Variants in HLA-DQB2 observed in about 807,000 individuals in gnomAD.
The protein encoded by HLA-DQB2 is HLA class II histocompatibility antigen, DQ beta 2 chain.
In HLA-DQB2, 24 loss-of-function variants were observed where a neutral mutation model predicts 29.2. That is an observed-to-expected ratio of 0.82 (90% confidence interval 0.60 to 1.16). The LOEUF (loss-of-function observed/expected upper bound fraction) is 1.16, where lower values mean the gene tolerates loss of function less well. HLA-DQB2 is among the 50% of genes most tolerant of loss of function. The pLI is 0.00. For synonymous variants in HLA-DQB2, 104 were observed against 133.1 expected, an observed-to-expected ratio of 0.78 and a Z score of 1.51; for missense variants, 273 against 343.6, an observed-to-expected ratio of 0.79 and a Z score of 1.62.
In HLA-DQB2 at chr6:32,763,514, A is replaced by G. The variant is rs1765037158; in HGVS notation, c.-44T>C. 8.0e-7 allele frequency: 1 copy of G among 1,256,444 alleles called. No homozygotes were observed. Among genetic ancestry groups the G allele is most frequent in the Non-Finnish European group, 1.1e-6 (1 of 877,190 alleles). The allele number at this position is 1,256,444 out of a possible 1,614,324, so 77.8% of individuals were successfully genotyped here. ...GACCAAGGAAAAAGCAGTGGTAGTC[A>G]ACACAGCTCAAACCTAATGGATCTT... On this transcript the variant is annotated 5_prime_UTR_variant, in exon 1 of 6. Coordinates refer to ENST00000437316, the MANE Select transcript of HLA-DQB2 (RefSeq NM_001300790.2).
At chr6:32,762,128 C>A (rs1401275714) in intron 1 of HLA-DQB2, among the ~76,000 whole-genome samples, 3 of 152,238 alleles carry the variant, frequency 2.0e-5, no homozygotes, top group African/African-American at 7.2e-5. Context: ...CCCTGCCCGC[C>A]CTCTCTGAGG....
intron 1 of HLA-DQB2, among the ~76,000 whole-genome samples, 161 bp from the exon 2 acceptor site, chr6:32,762,087 A>C (rs556537382): frequency 6.6e-6 from 1 of 152,030 alleles, no homozygotes; most frequent in African/African-American, 2.4e-5. Flanking sequence ...CGTGCTCCGG[A>C]CCTGGGATCC....
At chr6:32,761,273 T>A (rs969593975) in intron 2 of HLA-DQB2, among the ~76,000 whole-genome samples, 1 of 105,968 alleles carries the variant, frequency 9.4e-6, no homozygotes, top group Non-Finnish European at 2.0e-5. Flanking sequence ...GCAGTGCTAG[T>A]GGGGCGGACG....
At chr6:32,759,844 T>C (rs1192178728) in intron 2 of HLA-DQB2, among the ~76,000 whole-genome samples, 8,066 of 118,416 alleles carry the variant, frequency 0.068, no homozygotes, top group Middle Eastern at 0.1. Context: ...AATGCAAACA[T>C]ATACATATAG....
chr6:32,761,433 T>TGGCC (rs1554211993), intron 2 of HLA-DQB2, among the ~76,000 whole-genome samples: 1 of 151,478 alleles, frequency 6.6e-6, no homozygotes. Context: ...CTGGGCAGCC[T>TGGCC]AACCCAACCC....
Position 32,763,406 on chromosome 6 carries a change from C to CTCAGCA in HLA-DQB2, c.59_64dup (p.Met20_Leu21dup). 6.4e-7 allele frequency: 1 copy of CTCAGCA among 1,565,350 alleles called. No homozygotes were observed. The highest frequency in any genetic ancestry group is 8.7e-7 in the Non-Finnish European group (1 of 1,154,322). On this transcript the variant is annotated inframe_insertion, in exon 1 of 6. Transcript: ENST00000437316. ...GTCTCTGGCCTCAGCCACTGGGGTG[C>CTCAGCA]TCAGCATCACCAGCATCACGGTCAC...
intron 2 of HLA-DQB2, among the ~76,000 whole-genome samples, chr6:32,759,924 A>G (rs1298961744): frequency 6.6e-6 from 1 of 152,192 alleles, no homozygotes; most frequent in Non-Finnish European, 1.5e-5. Context: ...TCTGGAAGGA[A>G]TCTTGGTTTC....
chr6:32,762,788 C>T lies in HLA-DQB2; in HGVS notation c.97+586G>A, dbSNP rs112639529. Among the ~76,000 whole-genome samples the T allele has an allele frequency of 3.0e-3, 451 of 152,132 alleles. 2 individuals carry two copies. The highest frequency in any genetic ancestry group is 0.01 in the African/African-American group (428 of 41,520). On this transcript the variant is annotated intron_variant, in intron 1 of 5. Coordinates refer to ENST00000437316, the MANE Select transcript of HLA-DQB2 (RefSeq NM_001300790.2). ...TATTTCCCTTCTTTACTTCCTCCTT[C>T]CTATCATACTAAATTCAGTCCACCA... is the stretch of plus-strand genomic sequence containing the variant.
At chr6:32,760,623 G>C (rs778614797) in intron 2 of HLA-DQB2, among the ~76,000 whole-genome samples, 1 of 152,222 alleles carries the variant, frequency 6.6e-6, no homozygotes, top group Non-Finnish European at 1.5e-5. Flanking sequence ...GTGATGGGGG[G>C]AGGGAGAAAA....
intron 4 of HLA-DQB2, among the ~76,000 whole-genome samples, 171 bp downstream of exon 4, chr6:32,757,602 C>T (rs1340876139): frequency 1.3e-5 from 2 of 152,024 alleles, no homozygotes; most frequent in Non-Finnish European, 2.9e-5. Context: ...TCTGGCAGCG[C>T]TACCATTCAC....
intron 2 of HLA-DQB2, among the ~76,000 whole-genome samples, chr6:32,759,864 G>T (rs1459143712): frequency 2.6e-5 from 4 of 152,242 alleles, no homozygotes; most frequent in African/African-American, 9.6e-5. Flanking sequence ...GCTGGGATTT[G>T]CTGAGGTCAG....
rs529206424 is a variant in HLA-DQB2 at position 32,761,849 on chromosome 6, T to A, written c.175A>T (p.Ile59Phe). ...CGCCCGTACTCCTCGCGGTTATAGA[T>A]GTATCTGGCCACACCGCGCACGCGC... ...TERVRGVARY[I>F]YNREEYGRFD... The change falls in exon 2 of 6, where the codon ATC becomes TTC. Residue 59 changes from isoleucine to phenylalanine, a missense_variant. Transcript: ENST00000437316. The A allele has an allele frequency of 1.8e-4, 298 of 1,610,834 alleles. 1 individual carries two copies. Among genetic ancestry groups the A allele is most frequent in the Middle Eastern group, 1.3e-3 (8 of 6,058 alleles).
intron 4 of HLA-DQB2, 21 bp from the exon 5 acceptor site, chr6:32,757,325 G>A (rs1012824079): frequency 6.6e-7 from 1 of 1,517,126 alleles, no homozygotes; most frequent in African/African-American, 1.4e-5. Flanking sequence ...AAGTTATACA[G>A]AGAAAGGTCT....
At chr6:32,762,006 G>A (rs943226465) in intron 1 of HLA-DQB2, 80 bp from the exon 2 acceptor site, 75 of 1,532,484 alleles carry the variant, frequency 4.9e-5, no homozygotes, top group Non-Finnish European at 6.4e-5. Context: ...CCCTTCAGCC[G>A]CTGCCCTGAC....
intron 2 of HLA-DQB2, 59 bp from the exon 3 acceptor site, chr6:32,759,190 G>A (rs1764554109): frequency 1.4e-5 from 21 of 1,538,176 alleles, no homozygotes; most frequent in South Asian, 4.9e-5. Context: ...CACACAGCAC[G>A]CCTGCTGTGA....
At chr6:32,761,595 C>A in intron 2 of HLA-DQB2, 65 bp downstream of exon 2, 1 of 1,425,994 alleles carries the variant, frequency 7.0e-7, no homozygotes, top group Non-Finnish European at 9.1e-7. Flanking sequence ...GTCCTCGCCC[C>A]TCTGTGCGCA....
rs1190911897 is a variant in HLA-DQB2, at chr6:32,761,850, G to A, written c.174C>T (p.Tyr58=). 1.2e-6 allele frequency: 2 copies of A among 1,610,886 alleles called. No individual in the cohort carries two copies. Among genetic ancestry groups the A allele is most frequent in the East Asian group, 2.2e-5 (1 of 44,712 alleles). ...GCCCGTACTCCTCGCGGTTATAGAT[G>A]TATCTGGCCACACCGCGCACGCGCT... ...GTERVRGVAR[Y]IYNREEYGRF... Residue 58 remains tyrosine (Y), a synonymous_variant, in exon 2 of 6, where the codon TAC becomes TAT. Transcript: ENST00000437316.
rs1237699201 is a variant in HLA-DQB2, at chr6:32,756,343, GA to G, written c.*109del. ...CCTGTGGCTGCATGAGCCACTGTAGGACTCTGACCTCAGTGGGACAGGGTGA... is the reference window on the plus strand; with the variant it reads ...CCTGTGGCTGCATGAGCCACTGTAGGCTCTGACCTCAGTGGGACAGGGTGA... On this transcript the variant is annotated 3_prime_UTR_variant, in exon 6 of 6. Coordinates refer to ENST00000437316, the MANE Select transcript of HLA-DQB2 (RefSeq NM_001300790.2). 1.3e-6 allele frequency: 1 copy of G among 742,602 alleles called. No individual in the cohort carries two copies. The allele number at this position is 742,602 out of a possible 1,614,324, so 46.0% of individuals were successfully genotyped here.
intron 2 of HLA-DQB2, among the ~76,000 whole-genome samples, chr6:32,760,076 AT>A (rs1764648466): frequency 6.8e-6 from 1 of 147,642 alleles, no homozygotes; most frequent in African/African-American, 2.5e-5. Flanking sequence ...TGAGAAAAAA[AT>A]GATAGAATAA....
Sources: gnomAD v4.1 joint callset for allele counts (sites outside exome capture counted in the v4.1 genomes callset) on GRCh38, gnomAD v4.1.1 for gene constraint, MANE v1.5 for transcripts, NCBI Gene and HGNC (gene_info 2026-07-23, HGNC 2026-07-21) for gene names.